Variants in TXNRD2 observed in about 807,000 individuals in gnomAD.
TXNRD2 encodes thioredoxin reductase 2, mitochondrial.
In TXNRD2, 67 loss-of-function variants were observed where a neutral mutation model predicts 70.8. The observed-to-expected ratio is 0.95, with a 90% CI of 0.78 to 1.16. The LOEUF (loss-of-function observed/expected upper bound fraction) is 1.16. Among genes scored for constraint, TXNRD2 ranks in the 50% most tolerant of loss-of-function variants. The pLI, the probability that TXNRD2 is intolerant of heterozygous loss-of-function variation, is 0.00. For missense variants in TXNRD2, 644 were observed against 719.9 expected (o/e 0.89, Z 1.21); for synonymous variants, 301 against 295.8 (o/e 1.02, Z -0.18).
At position 19,933,016 on chromosome 22, in the gene TXNRD2, G is replaced by A. The variant is rs1601484881; in HGVS notation, c.104-1918C>T. ...GCACTCCTAAAGGATACAAGAGCTG[G>A]AGCCTAGAGGAGCCCTGGCTCACAG... On this transcript the variant is annotated intron_variant, in intron 1 of 17. Transcript: ENST00000400521. Among the ~76,000 whole-genome samples, 4 of 152,350 alleles carry A rather than the reference G, an allele frequency of 2.6e-5. No individual in the cohort carries two copies. The South Asian group carries it at 8.3e-4, about 32-fold the overall frequency.
intron 14 of TXNRD2, 33 bp downstream of exon 14, chr22:19,880,146 A>G (rs1469935704): frequency 1.2e-6 from 2 of 1,606,276 alleles, no homozygotes; most frequent in Non-Finnish European, 1.7e-6. Flanking sequence ...TGGAGTCGCC[A>G]CTGTCCTCAG....
intron 11 of TXNRD2, among the ~76,000 whole-genome samples, chr22:19,892,415 T>G (rs5993853): frequency 6.6e-6 from 1 of 152,200 alleles, no homozygotes; most frequent in Admixed American, 6.5e-5. Flanking sequence ...CCAAGGACTG[T>G]GAAAAGCTTC....
chr22:19,890,300 C>T (rs1331078268), intron 11 of TXNRD2, among the ~76,000 whole-genome samples: 1 of 152,218 alleles, frequency 6.6e-6, no homozygotes, highest in Non-Finnish European at 1.5e-5. Flanking sequence ...ATCAAACTCA[C>T]AATGGAGGCA....
intron 8 of TXNRD2, among the ~76,000 whole-genome samples, chr22:19,905,144 G>T (rs1057148934): frequency 6.6e-6 from 1 of 151,978 alleles, no homozygotes; most frequent in Non-Finnish European, 1.5e-5. Flanking sequence ...TAACAGCGCC[G>T]GACAAAAGCC....
chr22:19,902,976 T>C (rs753323521), intron 8 of TXNRD2: 1 of 518,684 alleles, frequency 1.9e-6, no homozygotes, highest in East Asian at 5.4e-5. Flanking sequence ...AAAAGCTCTT[T>C]CCATGACACA....
At chr22:19,876,982 G>A in intron 17 of TXNRD2, 58 bp downstream of exon 17, 1 of 1,283,976 alleles carries the variant, frequency 7.8e-7, no homozygotes, top group Non-Finnish European at 1.0e-6. Context: ...CATGGCCAGG[G>A]CTCCTGCACC....
chr22:19,878,332 C>T, intron 15 of TXNRD2, 34 bp downstream of exon 15: 1 of 1,612,346 alleles, frequency 6.2e-7, no homozygotes, highest in South Asian at 1.1e-5. Flanking sequence ...CCCTCCCTCT[C>T]ATCCTCAGCA....
intron 2 of TXNRD2, among the ~76,000 whole-genome samples, chr22:19,927,817 A>G (rs1210407587): frequency 2.6e-5 from 4 of 152,150 alleles, no homozygotes; most frequent in Admixed American, 6.5e-5. Context: ...TTCAGTGTCC[A>G]TGGATTCTGC....
intron 7 of TXNRD2, among the ~76,000 whole-genome samples, chr22:19,911,929 C>G (rs1409415810): frequency 6.6e-6 from 1 of 152,190 alleles, no homozygotes; most frequent in Non-Finnish European, 1.5e-5. Context: ...TCAGGGCCAG[C>G]AGAGCTCAGG....
intron 2 of TXNRD2, among the ~76,000 whole-genome samples, chr22:19,920,170 A>G (rs35723448): frequency 0.13 from 20,095 of 152,202 alleles, 1,439 homozygotes; most frequent in Non-Finnish European, 0.15. Flanking sequence ...CCAGCCCCAG[A>G]GCAGGAGCCG....
At chr22:19,880,005 C>T (rs538876617) in intron 14 of TXNRD2, among the ~76,000 whole-genome samples, 174 bp downstream of exon 14, 43 of 152,334 alleles carry the variant, frequency 2.8e-4, no homozygotes, top group Admixed American at 5.2e-4. Context: ...AAAGCCCAGG[C>T]ACCCCCACTT....
Position 19,941,798 on chromosome 22 carries a change from C to G in TXNRD2, c.6G>C (p.Ala2=). Residue 2 remains alanine (A), a synonymous_variant, in exon 1 of 18, where the codon GCG becomes GCC. Transcript: ENST00000400521. M[A]AMAVALRGLG... Reference sequence around the variant, plus strand: ...ATCCCCGCAGCGCCACCGCCATTGCCGCCATCGTCGTGGGGCTTCTGGGGC... The same window carrying G: ...ATCCCCGCAGCGCCACCGCCATTGCGGCCATCGTCGTGGGGCTTCTGGGGC... The G allele has an allele frequency of 2.6e-6, 4 of 1,535,126 alleles. No individual in the cohort carries two copies. Among genetic ancestry groups the G allele is most frequent in the Non-Finnish European group, 3.5e-6 (4 of 1,151,936 alleles).
chr22:19,916,022 GC>G, intron 5 of TXNRD2, 179 bp from the exon 6 acceptor site: 1 of 620,152 alleles, frequency 1.6e-6, no homozygotes. Context: ...GGATGTGGGG[GC>G]ACCTCGCCTG....
intron 8 of TXNRD2, among the ~76,000 whole-genome samples, chr22:19,907,194 A>T (rs1940078189): frequency 1.3e-5 from 1 of 76,588 alleles, no homozygotes; most frequent in East Asian, 3.5e-4. Context: ...AGTAGCAGTG[A>T]CCGCTCTCAG....
intron 1 of TXNRD2, among the ~76,000 whole-genome samples, chr22:19,935,274 C>A (rs919246803): frequency 6.6e-6 from 1 of 152,100 alleles, no homozygotes; most frequent in African/African-American, 2.4e-5. Context: ...CTGTCTTATG[C>A]GGTTGAGATA....
At chr22:19,936,821 C>A (rs377532241) in intron 1 of TXNRD2, among the ~76,000 whole-genome samples, 1 of 152,184 alleles carries the variant, frequency 6.6e-6, no homozygotes, top group Middle Eastern at 3.4e-3. Context: ...ACTTCTATGC[C>A]GACTCTATCT....
intron 2 of TXNRD2, among the ~76,000 whole-genome samples, chr22:19,929,909 A>G (rs1313270163): frequency 1.3e-5 from 2 of 152,186 alleles, no homozygotes; most frequent in African/African-American, 2.4e-5. Context: ...TGCCACTCTC[A>G]TGAAAGGCGG....
chr22:19,911,681 T>C (rs555760481), intron 7 of TXNRD2, among the ~76,000 whole-genome samples: 1 of 152,284 alleles, frequency 6.6e-6, no homozygotes, highest in Admixed American at 6.5e-5. Context: ...CAGGGTACCT[T>C]TCCCCTCTGT....
intron 12 of TXNRD2, among the ~76,000 whole-genome samples, chr22:19,882,693 A>C (rs570893298): frequency 6.6e-6 from 1 of 152,364 alleles, no homozygotes; most frequent in African/African-American, 2.4e-5. Context: ...CATGCAGGAC[A>C]GGCCGAGCAC....
Sources: gnomAD v4.1 joint callset for allele counts (sites outside exome capture counted in the v4.1 genomes callset) on GRCh38, gnomAD v4.1.1 for gene constraint, MANE v1.5 for transcripts, NCBI Gene and HGNC (gene_info 2026-07-23, HGNC 2026-07-21) for gene names.